Variants in ZXDC observed in about 807,000 individuals in gnomAD.
ZXDC encodes ZXD family zinc finger C.
ZXDC carries 58 observed loss-of-function variants against 63.6 expected under a neutral mutation model. That is an observed-to-expected ratio of 0.91 (90% CI 0.74 to 1.13). ZXDC has a LOEUF of 1.13. Ranked by LOEUF, ZXDC falls within the 50% of genes most tolerant of loss-of-function variation. The pLI is 0.00. For missense variants in ZXDC, 1,133 were observed against 1,148.9 expected (o/e 0.99, Z 0.20); for synonymous variants, 561 against 496.1 (o/e 1.13, Z -1.74).
intron 7 of ZXDC, chr3:126,454,352 G>A (rs1354398938): frequency 1.0e-6 from 1 of 984,854 alleles, no homozygotes; most frequent in Non-Finnish European, 1.2e-6. Flanking sequence ...AATGTCTATA[G>A]GTCTTATAGT....
In ZXDC at chr3:126,475,784, G is replaced by A. The variant is rs1576700519; in HGVS notation, c.82C>T (p.Pro28Ser). The A allele has an allele frequency of 8.9e-7, 1 of 1,119,554 alleles. No homozygotes were observed. The highest frequency in any genetic ancestry group is 1.1e-6 in the Non-Finnish European group (1 of 917,382). 69.4% of individuals were successfully genotyped at this position (1,119,554 alleles called of 1,614,324 possible). Reference protein sequence around the residue: ...GGGPGPLRRAPAPLGASPARR... With the variant: ...GGGPGPLRRASAPLGASPARR... ...GCGGGGCTCGCGCCGAGCGGCGCTG[G>A]GGCTCGGCGGAGCGGGCCGGGGCCG... Residue 28 changes from proline (P) to serine (S), a missense_variant, in exon 1 of 10, where the codon CCA (proline) becomes TCA (serine). Coordinates refer to ENST00000389709, the MANE Select transcript of ZXDC (RefSeq NM_025112.5).
At chr3:126,445,285 C>A (rs1340839447) in intron 7 of ZXDC, among the ~76,000 whole-genome samples, 1 of 152,092 alleles carries the variant, frequency 6.6e-6, no homozygotes, top group African/African-American at 2.4e-5. Context: ...CAGCAGAGGG[C>A]TGGCAAAGGT....
rs1560099981 is a variant in ZXDC at position 126,461,762 on chromosome 3, C to T, written c.1900G>A (p.Ala634Thr). 1 of 1,614,008 alleles carries T rather than the reference C, an allele frequency of 6.2e-7. No homozygotes were observed. The highest frequency in any genetic ancestry group is 8.5e-7 in the Non-Finnish European group (1 of 1,179,994). ...GAGGTCGGTGTGGTGATATGTGCTG[C>T]TAAGTTACTATTGGAGGTCAAAGCC... ...PLALTSNSNL[A>T]AHITTPTSSS... The change falls in exon 6 of 10, where the codon GCA becomes ACA. Residue 634 changes from alanine to threonine, a missense_variant. Coordinates refer to ENST00000389709, the MANE Select transcript of ZXDC (RefSeq NM_025112.5).
At chr3:126,474,222 G>A (rs1266245296) in intron 1 of ZXDC, among the ~76,000 whole-genome samples, 1 of 151,934 alleles carries the variant, frequency 6.6e-6, no homozygotes, top group Non-Finnish European at 1.5e-5. Context: ...CCGCTACCAC[G>A]CCCGGCTAAT....
chr3:126,466,090 C>T, intron 5 of ZXDC, 65 bp downstream of exon 5: 2 of 1,543,036 alleles, frequency 1.3e-6, no homozygotes, highest in Admixed American at 1.9e-5. Context: ...GAACAGACGG[C>T]ACTGGCACTG....
chr3:126,460,707 CAG>C, intron 6 of ZXDC: 1 of 985,398 alleles, frequency 1.0e-6, no homozygotes, highest in Non-Finnish European at 1.2e-6. Flanking sequence ...ACCAGAAATG[CAG>C]AGACAGAGAC....
chr3:126,440,301 G>A (rs765185658), intron 8 of ZXDC: 100 of 988,660 alleles, frequency 1.0e-4, no homozygotes, highest in Non-Finnish European at 1.1e-4. Context: ...ACCCCGAAGC[G>A]GAGCTCCTGG....
In ZXDC at chr3:126,475,689, G is replaced by A. The variant is rs755818979; in HGVS notation, c.177C>T (p.Ser59=). Residue 59 remains serine (S), a synonymous_variant, in exon 1 of 10, where the codon TCC becomes TCT. Coordinates refer to ENST00000389709, the MANE Select transcript of ZXDC (RefSeq NM_025112.5). ...CCTCGGCGGGCGGCGGGCTTGGCCC[G>A]GAGGCCTCCCCGGGCCGCGCCCCGG... is the stretch of plus-strand genomic sequence containing the variant. ...GGPGARPGEA[S]GPSPPPAEDD... is the part of the protein sequence containing the mutation. 3 of 1,341,252 alleles carry A rather than the reference G, an allele frequency of 2.2e-6. No homozygotes were observed. The highest frequency in any genetic ancestry group is 3.3e-5 in the Admixed American group (1 of 30,580). 83.1% of individuals were successfully genotyped at this position (1,341,252 alleles called of 1,614,324 possible).
intron 7 of ZXDC, among the ~76,000 whole-genome samples, chr3:126,447,716 C>A (rs1933933895): frequency 6.6e-6 from 1 of 152,196 alleles, no homozygotes; most frequent in Non-Finnish European, 1.5e-5. Context: ...GTGATGTTTT[C>A]AAATCAGTAG....
At position 126,459,653 on chromosome 3, in the gene ZXDC, C is replaced by T. The variant is rs376699066; in HGVS notation, c.2212G>A (p.Gly738Arg). 1 of 1,614,234 alleles carries T rather than the reference C, an allele frequency of 6.2e-7. No individual in the cohort carries two copies. The highest frequency in any genetic ancestry group is 2.2e-5 in the East Asian group (1 of 44,888). ...CCGGCTGCAGCACACACGGCCTCAC[C>T]TGCATTGCTCCCCGCTCCTCTCTGC... The part of the protein sequence containing the change: ...KKQRGAGSNA[G>R]ASQSTQRKIK... The change falls in exon 7 of 10, where the codon GGA (glycine) becomes AGA (arginine). Residue 738 changes from glycine to arginine, a missense_variant and splice_region_variant. Transcript: ENST00000389709.
At chr3:126,459,016 T>C (rs1416847473) in intron 7 of ZXDC, 1 of 983,206 alleles carries the variant, frequency 1.0e-6, no homozygotes, top group Non-Finnish European at 1.2e-6. Flanking sequence ...AAAGGACAAA[T>C]GAAATACACA....
chr3:126,442,020 C>G, intron 7 of ZXDC, 74 bp from the exon 8 acceptor site: 1 of 1,432,656 alleles, frequency 7.0e-7, no homozygotes, highest in East Asian at 2.5e-5. Flanking sequence ...CAAGGTCTCA[C>G]TATGGGGAAG....
At chr3:126,448,445 A>T (rs1933965643) in intron 7 of ZXDC, among the ~76,000 whole-genome samples, 2 of 152,174 alleles carry the variant, frequency 1.3e-5, no homozygotes, top group South Asian at 4.1e-4. Flanking sequence ...GTACCCTGGG[A>T]GCCTCGAGAG....
intron 7 of ZXDC, chr3:126,454,051 C>T (rs969058064): frequency 1.9e-5 from 13 of 697,746 alleles, no homozygotes; most frequent in African/African-American, 2.0e-5. Context: ...TAGTACTACA[C>T]ATATATATAT....
intron 5 of ZXDC, among the ~76,000 whole-genome samples, chr3:126,463,276 A>G (rs1166291715): frequency 6.6e-6 from 1 of 152,044 alleles, no homozygotes; most frequent in Non-Finnish European, 1.5e-5. Flanking sequence ...TCACCGCATT[A>G]GCCAGGATGG....
chr3:126,469,999 G>C (rs1219570707), intron 4 of ZXDC, among the ~76,000 whole-genome samples: 2 of 152,216 alleles, frequency 1.3e-5, no homozygotes, highest in African/African-American at 4.8e-5. Context: ...GAGCGGTAGA[G>C]CCAGACTTTG....
At position 126,438,314 on chromosome 3, in the gene ZXDC, G is replaced by GTC; in HGVS notation, c.*60_*61insGA. On this transcript the variant is annotated 3_prime_UTR_variant, in exon 10 of 10. Coordinates refer to ENST00000389709, the MANE Select transcript of ZXDC (RefSeq NM_025112.5). Reference sequence around the variant, plus strand: ...TGAGGTCTCCCCAGGCTCATGTCATGAGTCTCAGGGAAGGTGTGTCCTAGA... The same window carrying GTC: ...TGAGGTCTCCCCAGGCTCATGTCATGTCAGTCTCAGGGAAGGTGTGTCCTAGA... 3 of 1,428,552 alleles carry GTC rather than the reference G, an allele frequency of 2.1e-6. No homozygotes were observed. The highest frequency in any genetic ancestry group is 2.9e-6 in the Non-Finnish European group (3 of 1,028,840). 88.5% of individuals were successfully genotyped at this position (1,428,552 alleles called of 1,614,324 possible). A position where few individuals can be genotyped will look rare whatever the true frequency, so the allele number is the denominator to read the frequency against.
chr3:126,459,910 G>C (rs1934456530), intron 6 of ZXDC, 173 bp from the exon 7 acceptor site: 3 of 985,334 alleles, frequency 3.0e-6, no homozygotes, highest in East Asian at 1.1e-4. Flanking sequence ...GGCGAGGGCC[G>C]AACAAACTTG....
At position 126,461,607 on chromosome 3, in the gene ZXDC, C is replaced by T. The variant is rs749262187; in HGVS notation, c.2055G>A (p.Thr685=). ...QEGSHGLPQS[T]LPSPAEQHGA... is the part of the protein sequence containing the mutation. ...CGTGCTGCTCTGCTGGACTGGGCAA[C>T]GTGGACTGGGGCAGCCCATGGCTTC... Residue 685 remains threonine (T), a synonymous_variant, in exon 6 of 10, where the codon ACG becomes ACA. Coordinates refer to ENST00000389709, the MANE Select transcript of ZXDC (RefSeq NM_025112.5). 2.5e-6 allele frequency: 4 copies of T among 1,614,002 alleles called. No individual in the cohort carries two copies. Among genetic ancestry groups the T allele is most frequent in the East Asian group, 2.2e-5 (1 of 44,876 alleles).
Sources: gnomAD v4.1 joint callset for allele counts (sites outside exome capture counted in the v4.1 genomes callset) on GRCh38, gnomAD v4.1.1 for gene constraint, MANE v1.5 for transcripts, NCBI Gene and HGNC (gene_info 2026-07-23, HGNC 2026-07-21) for gene names.